EHBP1: variants seen among roughly 807,000 people sequenced by gnomAD.
EHBP1 encodes the protein EH domain-binding protein 1.
In EHBP1, 55 loss-of-function variants were observed where a neutral mutation model predicts 144.0. The observed-to-expected ratio is 0.38, with a 90% confidence interval of 0.31 to 0.48. EHBP1 has a LOEUF of 0.48. EHBP1 is among the 20% of genes least tolerant of loss of function. The probability of loss-of-function intolerance (pLI) is 0.98; values close to 1 mark genes in which losing one functional copy is unlikely to be tolerated. For missense variants in EHBP1, 1,200 were observed against 1,364.2 expected (o/e 0.88, Z 1.90); for synonymous variants, 469 against 472.7 (o/e 0.99, Z 0.10).
At chr2:62,849,696 C>T (rs376503574) in intron 7 of EHBP1, among the ~76,000 whole-genome samples, 7 of 152,122 alleles carry the variant, frequency 4.6e-5, no homozygotes, top group East Asian at 3.8e-4. Flanking sequence ...ATGACTCATT[C>T]GGTTCATTCA....
At chr2:62,858,442 A>T in intron 7 of EHBP1, 1 of 1,611,402 alleles carries the variant, frequency 6.2e-7, no homozygotes. Context: ...AGCAGCTTAG[A>T]TGAAGATCAA....
At chr2:62,726,627 A>T (rs908430973) in intron 2 of EHBP1, 1 of 151,992 alleles carries the variant, frequency 6.6e-6, no homozygotes, top group African/African-American at 2.4e-5. Flanking sequence ...TTTTGTTTTT[A>T]TTTTTTATTT....
intron 21 of EHBP1, among the ~76,000 whole-genome samples, chr2:63,042,582 T>G (rs2061710053): frequency 6.6e-6 from 1 of 152,040 alleles, no homozygotes; most frequent in African/African-American, 2.4e-5. Context: ...GAAAATTACC[T>G]AAATATTCTT....
At chr2:62,707,650 G>A (rs1189630203) in intron 2 of EHBP1, among the ~76,000 whole-genome samples, 3 of 152,162 alleles carry the variant, frequency 2.0e-5, no homozygotes, top group African/African-American at 7.2e-5. Flanking sequence ...GCATTAATCC[G>A]TATATTTTAA....
chr2:62,791,939 C>G (rs1055860736), intron 5 of EHBP1, among the ~76,000 whole-genome samples: 1 of 151,946 alleles, frequency 6.6e-6, no homozygotes, highest in Non-Finnish European at 1.5e-5. Context: ...AAAAATAACA[C>G]TCAGCAGCAA....
chr2:62,691,738 A>G (rs1430557852), intron 1 of EHBP1, among the ~76,000 whole-genome samples: 1 of 152,208 alleles, frequency 6.6e-6, no homozygotes, highest in Non-Finnish European at 1.5e-5. Flanking sequence ...AGGAAAAACT[A>G]GAACCCACAT....
intron 19 of EHBP1, among the ~76,000 whole-genome samples, chr2:63,018,328 T>C (rs1363260994): frequency 6.6e-6 from 1 of 151,886 alleles, no homozygotes; most frequent in Admixed American, 6.6e-5. Context: ...TTTCAAGTCT[T>C]CTTTATTCTC....
At chr2:62,892,788 A>G (rs2052570324) in intron 10 of EHBP1, among the ~76,000 whole-genome samples, 3 of 152,122 alleles carry the variant, frequency 2.0e-5, no homozygotes, top group Admixed American at 6.5e-5. Flanking sequence ...TTTTTTGGAA[A>G]GAAAAAATTA....
intron 5 of EHBP1, among the ~76,000 whole-genome samples, chr2:62,778,641 C>G (rs929026152): frequency 2.0e-5 from 3 of 151,654 alleles, no homozygotes; most frequent in Non-Finnish European, 2.9e-5. Flanking sequence ...CCCAACCAAA[C>G]TCACCTGACA....
intron 3 of EHBP1, among the ~76,000 whole-genome samples, chr2:62,757,711 GAC>G (rs1278396527): frequency 1.3e-5 from 2 of 152,060 alleles, no homozygotes; most frequent in African/African-American, 4.8e-5. Context: ...TGGGATTACA[GAC>G]ATAAGCCACC....
At chr2:62,863,297 A>ACT (rs1415605784) in intron 8 of EHBP1, among the ~76,000 whole-genome samples, 2 of 146,756 alleles carry the variant, frequency 1.4e-5, no homozygotes, top group African/African-American at 5.1e-5. Context: ...ACACACACAC[A>ACT]CACGTACCAT....
chr2:63,033,573 T>C lies in EHBP1; in HGVS notation c.3104-3962T>C, dbSNP rs1349802001. Among the ~76,000 whole-genome samples, 7 of 152,314 alleles carry C rather than the reference T, an allele frequency of 4.6e-5. No individual in the cohort carries two copies. The East Asian group carries it at 1.2e-3, about 25-fold the overall frequency. ...ATTCATTGTCTAAAATATATCTTTA[T>C]AGATAGATAATTTTATGGTGAAAGA... is the stretch of plus-strand genomic sequence containing the variant. On this transcript the variant is annotated intron_variant, in intron 19 of 22. Transcript: ENST00000431489.
chr2:62,843,571 G>T (rs2048077060), intron 7 of EHBP1, among the ~76,000 whole-genome samples: 2 of 152,020 alleles, frequency 1.3e-5, no homozygotes. Flanking sequence ...TTTCTATTAT[G>T]TTTGCAGAGT....
chr2:62,674,389 T>C (rs2033211227), intron 1 of EHBP1, among the ~76,000 whole-genome samples: 1 of 152,248 alleles, frequency 6.6e-6, no homozygotes, highest in South Asian at 2.1e-4. Context: ...AGCAGATTGT[T>C]GAAATATCCT....
intron 3 of EHBP1, among the ~76,000 whole-genome samples, chr2:62,754,008 C>G (rs531337436): frequency 6.6e-6 from 1 of 152,314 alleles, no homozygotes; most frequent in African/African-American, 2.4e-5. Flanking sequence ...ATGTCATGAT[C>G]CGTCCAGGTT....
In EHBP1 at chr2:62,900,255, G is replaced by A. The variant is rs372879050; in HGVS notation, c.1185+25723G>A. 3.3e-5 allele frequency among the ~76,000 whole-genome samples: 5 copies of A among 152,270 alleles called. No homozygotes were observed. In the South Asian group the frequency reaches 1.0e-3, roughly 32 times the overall value. ...TCTAAAATTACATCATTGAGAAAGT[G>A]TAATTCAGTGAAGGAAAATGATGTT... On this transcript the variant is annotated intron_variant, in intron 10 of 22. Coordinates refer to ENST00000431489, the MANE Select transcript of EHBP1 (RefSeq NM_001142616.3).
At chr2:62,850,016 C>G (rs1265732142) in intron 7 of EHBP1, among the ~76,000 whole-genome samples, 1 of 151,974 alleles carries the variant, frequency 6.6e-6, no homozygotes, top group Non-Finnish European at 1.5e-5. Flanking sequence ...TGATGGGATC[C>G]TAGGCAGAGG....
intron 1 of EHBP1, among the ~76,000 whole-genome samples, chr2:62,690,836 C>T (rs553917406): frequency 6.6e-6 from 1 of 152,314 alleles, no homozygotes; most frequent in South Asian, 2.1e-4. Context: ...TTTGCCCTCT[C>T]CCCATACACC....
At chr2:62,994,562 C>T (rs2059556687) in intron 18 of EHBP1, among the ~76,000 whole-genome samples, 1 of 152,048 alleles carries the variant, frequency 6.6e-6, no homozygotes, top group Non-Finnish European at 1.5e-5. Flanking sequence ...GAGAAAGCTG[C>T]TTTTGATGGA....
Sources: gnomAD v4.1 joint callset for allele counts (sites outside exome capture counted in the v4.1 genomes callset) on GRCh38, gnomAD v4.1.1 for gene constraint, MANE v1.5 for transcripts, NCBI Gene and HGNC (gene_info 2026-07-23, HGNC 2026-07-21) for gene names.